The following LRIG3 variants were observed in gnomAD, a reference collection of about 807,000 sequenced individuals.
The protein encoded by LRIG3 is leucine rich repeats and immunoglobulin like domains 3.
In LRIG3, 76 loss-of-function variants were observed where a neutral mutation model predicts 114.5. The observed-to-expected ratio is 0.66, with a 90% CI of 0.55 to 0.80. The LOEUF (loss-of-function observed/expected upper bound fraction) is 0.80. Ranked by LOEUF, LRIG3 falls within the 30% of genes least tolerant of loss-of-function variation. The probability of loss-of-function intolerance (pLI) is 0.00; values close to 1 mark genes in which losing one functional copy is unlikely to be tolerated. For synonymous variants in LRIG3, 512 were observed against 519.8 expected, an observed-to-expected ratio of 0.98 and a Z score of 0.20; for missense variants, 1,239 against 1,382.8, an observed-to-expected ratio of 0.90 and a Z score of 1.65.
Position 58,877,738 on chromosome 12 carries a change from T to A in LRIG3, c.2198A>T (p.Asp733Val). 11 of 1,614,198 alleles carry A rather than the reference T, an allele frequency of 6.8e-6. No individual in the cohort carries two copies. The highest frequency in any genetic ancestry group is 9.3e-6 in the Non-Finnish European group (11 of 1,180,028). ...CTCGGTTACCACCAATGGGCTATCA[T>A]CTTTGGTCCAGTTCAGTTTAGGGGG... ...SPPPKLNWTKDDSPLVVTERH... is the reference protein window; with the variant it reads ...SPPPKLNWTKVDSPLVVTERH... Residue 733 changes from aspartate to valine, a missense_variant, in exon 15 of 19, where the codon GAT becomes GTT. By Grantham distance (152) the Asp-to-Val change is radical. Coordinates refer to ENST00000320743, the MANE Select transcript of LRIG3 (RefSeq NM_153377.5).
chr12:58,891,178 C>T lies in LRIG3; in HGVS notation c.384-382G>A, dbSNP rs568647579. 1.6e-4 allele frequency among the ~76,000 whole-genome samples: 24 copies of T among 152,116 alleles called. 1 individual carries two copies. Among genetic ancestry groups the T allele is most frequent in the Middle Eastern group, 6.8e-3 (2 of 294 alleles). On this transcript the variant is annotated intron_variant, in intron 3 of 18. Transcript: ENST00000320743. ...TCACCCAGGCTACAGCGCAGTGGCA[C>T]ACTCATAACTCACTGCAGCTCAAAC...
At chr12:58,880,936 T>G (rs763361453) in intron 12 of LRIG3, 35 bp from the exon 13 acceptor site, 2 of 1,586,650 alleles carry the variant, frequency 1.3e-6, no homozygotes, top group Non-Finnish European at 8.6e-7. Flanking sequence ...CAAAACAATG[T>G]TAAGGCTCAA....
At chr12:58,916,837 A>G (rs996926770) in intron 1 of LRIG3, among the ~76,000 whole-genome samples, 4 of 152,180 alleles carry the variant, frequency 2.6e-5, no homozygotes, top group Admixed American at 2.6e-4. Flanking sequence ...TATGAAAATA[A>G]TCAATTTGCA....
At chr12:58,883,410 G>T in intron 11 of LRIG3, 110 bp downstream of exon 11, 1 of 646,544 alleles carries the variant, frequency 1.5e-6, no homozygotes, top group Non-Finnish European at 2.5e-6. Context: ...ATTAAGTAAT[G>T]TTAAGAATGT....
chr12:58,888,195 C>A, intron 7 of LRIG3, 134 bp downstream of exon 7: 1 of 1,092,278 alleles, frequency 9.2e-7, no homozygotes, highest in Non-Finnish European at 1.3e-6. Context: ...AAAAATAAGA[C>A]TAGGTTGCAT....
chr12:58,883,439 A>C, intron 11 of LRIG3, 81 bp downstream of exon 11: 8 of 971,888 alleles, frequency 8.2e-6, no homozygotes, highest in Non-Finnish European at 1.2e-5. Context: ...CTTTTTATAG[A>C]TACATAATCC....
At chr12:58,888,073 C>T (rs1429637692) in intron 7 of LRIG3, 141 bp from the exon 8 acceptor site, 1 of 814,452 alleles carries the variant, frequency 1.2e-6, no homozygotes, top group African/African-American at 1.7e-5. Flanking sequence ...GTAAATATTT[C>T]TAATATCAGT....
chr12:58,885,316 C>G (rs1871241462), intron 10 of LRIG3, among the ~76,000 whole-genome samples: 2 of 152,182 alleles, frequency 1.3e-5, no homozygotes, highest in African/African-American at 4.8e-5. Flanking sequence ...TCTCCTATGT[C>G]ACTCTTAAGG....
chr12:58,920,398 G>C lies in LRIG3; in HGVS notation c.-163C>G. 1 of 462,550 alleles carries C rather than the reference G, an allele frequency of 2.2e-6. No individual in the cohort carries two copies. 28.7% of individuals were successfully genotyped at this position (462,550 alleles called of 1,614,324 possible). ...TCCTTCTTTTACTCCCGGCGGCGAAGCCCTTTCATGCCCCCAAACAGCAGG... is the reference window on the plus strand; with the variant it reads ...TCCTTCTTTTACTCCCGGCGGCGAACCCCTTTCATGCCCCCAAACAGCAGG... On this transcript the variant is annotated 5_prime_UTR_variant, in exon 1 of 19. Transcript: ENST00000320743.
chr12:58,919,604 CAT>C, intron 1 of LRIG3: 1 of 1,512,772 alleles, frequency 6.6e-7, no homozygotes, highest in South Asian at 1.3e-5. Context: ...GAACCAGACT[CAT>C]AACTCAGCGA....
chr12:58,876,353 T>C, intron 16 of LRIG3, 92 bp downstream of exon 16: 4 of 1,403,682 alleles, frequency 2.8e-6, no homozygotes, highest in Non-Finnish European at 3.9e-6. Flanking sequence ...ATGTCAGTGT[T>C]ATCAATGTCT....
At chr12:58,913,194 A>C (rs1168369435) in intron 3 of LRIG3, among the ~76,000 whole-genome samples, 1 of 152,192 alleles carries the variant, frequency 6.6e-6, no homozygotes. Flanking sequence ...TTTTTCCTTA[A>C]GTTGCTTAAA....
intron 14 of LRIG3, 151 bp downstream of exon 14, chr12:58,878,673 A>G (rs575345629): frequency 9.9e-6 from 9 of 905,968 alleles, no homozygotes; most frequent in Admixed American, 5.1e-5. Flanking sequence ...AAAGTGTTCA[A>G]GAGGCCATTT....
At chr12:58,915,645 T>C (rs1872453084) in intron 1 of LRIG3, among the ~76,000 whole-genome samples, 1 of 152,138 alleles carries the variant, frequency 6.6e-6, no homozygotes, top group Admixed American at 6.5e-5. Flanking sequence ...CTGGTAGAGT[T>C]ATAACATGAA....
chr12:58,882,869 C>G lies in LRIG3; in HGVS notation c.1480G>C (p.Asp494His). Residue 494 changes from aspartate to histidine, a missense_variant and splice_region_variant, in exon 12 of 19, where the codon GAT (aspartate) becomes CAT (histidine). Physicochemically the swap from Asp to His is moderately conservative, Grantham distance 81. Coordinates refer to ENST00000320743, the MANE Select transcript of LRIG3 (RefSeq NM_153377.5). ...FAVSPDGFVC[D>H]DFPKPQITVQ... ...AGGCAAGGGCAATACTTATACTCAC[C>G]ACACACAAAGCCATCTGGGCTAACA... 6.2e-7 allele frequency: 1 copy of G among 1,611,712 alleles called. No homozygotes were observed. The highest frequency in any genetic ancestry group is 8.5e-7 in the Non-Finnish European group (1 of 1,178,936).
intron 5 of LRIG3, 119 bp downstream of exon 5, chr12:58,889,877 G>A: frequency 7.8e-7 from 1 of 1,276,326 alleles, no homozygotes; most frequent in South Asian, 1.6e-5. Context: ...AACTCTCAAA[G>A]GAAAGGCAGC....
At chr12:58,916,431 A>G (rs1298363066) in intron 1 of LRIG3, among the ~76,000 whole-genome samples, 1 of 152,170 alleles carries the variant, frequency 6.6e-6, no homozygotes, top group Non-Finnish European at 1.5e-5. Context: ...CTTTTAGTGT[A>G]CCTAAATTTA....
intron 3 of LRIG3, among the ~76,000 whole-genome samples, chr12:58,906,127 T>A (rs535447461): frequency 2.0e-5 from 3 of 152,188 alleles, no homozygotes; most frequent in Non-Finnish European, 2.9e-5. Context: ...GGATGGGATA[T>A]GGTTTCTGTC....
At chr12:58,900,146 T>C (rs1167787452) in intron 3 of LRIG3, among the ~76,000 whole-genome samples, 1 of 152,110 alleles carries the variant, frequency 6.6e-6, no homozygotes, top group Non-Finnish European at 1.5e-5. Flanking sequence ...CTGGGCTGAG[T>C]TTTGGAGGGG....
Sources: gnomAD v4.1 joint callset for allele counts (sites outside exome capture counted in the v4.1 genomes callset) on GRCh38, gnomAD v4.1.1 for gene constraint, MANE v1.5 for transcripts, NCBI Gene and HGNC (gene_info 2026-07-23, HGNC 2026-07-21) for gene names.